The following TBC1D32 variants were observed in gnomAD, a reference collection of about 807,000 sequenced individuals.
TBC1D32 encodes the protein protein broad-minded.
A neutral mutation model predicts 170.3 loss-of-function variants in TBC1D32; 151 were observed. The observed-to-expected ratio is 0.89, with a 90% confidence interval of 0.78 to 1.01. The LOEUF is 1.01. Among genes scored for constraint, TBC1D32 ranks in the 50% least tolerant of loss-of-function variants. TBC1D32 has a pLI of 0.00. For missense variants in TBC1D32, 1,464 were observed against 1,457.1 expected (o/e 1.00, Z -0.08); for synonymous variants, 498 against 488.0 (o/e 1.02, Z -0.27).
intron 19 of TBC1D32, 77 bp from the exon 20 acceptor site, chr6:121,239,265 T>G: frequency 1.3e-6 from 1 of 791,728 alleles, no homozygotes; most frequent in East Asian, 2.5e-5. Flanking sequence ...TGATGATCCC[T>G]CTGATGAATC....
At chr6:121,223,914 T>C (rs1016378480) in intron 20 of TBC1D32, among the ~76,000 whole-genome samples, 6 of 152,164 alleles carry the variant, frequency 3.9e-5, no homozygotes, top group Non-Finnish European at 7.3e-5. Flanking sequence ...AGCTCTTCAC[T>C]CTCATTGCAT....
chr6:121,248,543 TA>T lies in TBC1D32; in HGVS notation c.2019-6205del, dbSNP rs1797913602. Among the ~76,000 whole-genome samples, 6 of 151,824 alleles carry T rather than the reference TA, an allele frequency of 4.0e-5. No individual in the cohort carries two copies. The South Asian group carries it at 1.2e-3, about 32-fold the overall frequency. ...GGAAAAAGCTAGTTTTCTGAAAAGA[TA>T]AAACTGATAACCATTAGCAAGATTA... On this transcript the variant is annotated intron_variant, in intron 17 of 31. Transcript: ENST00000398212.
intron 24 of TBC1D32, among the ~76,000 whole-genome samples, chr6:121,153,177 G>A (rs1784423398): frequency 6.6e-6 from 1 of 152,098 alleles, no homozygotes; most frequent in Non-Finnish European, 1.5e-5. Flanking sequence ...ACCTTGGGAT[G>A]GAGTTTTTGC....
intron 2 of TBC1D32, among the ~76,000 whole-genome samples, chr6:121,320,282 A>C (rs1809537035): frequency 6.6e-6 from 1 of 151,832 alleles, no homozygotes; most frequent in Non-Finnish European, 1.5e-5. Flanking sequence ...ATGGTTCATA[A>C]AGTGGAAAAT....
chr6:121,228,354 C>G (rs553421840), intron 20 of TBC1D32, among the ~76,000 whole-genome samples: 3 of 152,124 alleles, frequency 2.0e-5, no homozygotes, highest in Non-Finnish European at 2.9e-5. Flanking sequence ...TGGGTAGAAA[C>G]TTGAGTCAGT....
intron 22 of TBC1D32, among the ~76,000 whole-genome samples, chr6:121,196,381 G>A (rs545453498): frequency 5.9e-5 from 9 of 152,164 alleles, no homozygotes; most frequent in South Asian, 2.1e-4. Context: ...ATATGGCACC[G>A]TTCCTTGGAG....
intron 22 of TBC1D32, among the ~76,000 whole-genome samples, chr6:121,192,082 ATC>A (rs1790148817): frequency 7.5e-6 from 1 of 133,618 alleles, no homozygotes; most frequent in Admixed American, 9.8e-5. Context: ...ATATATATAT[ATC>A]CTATTAGTTC....
chr6:121,223,998 G>A (rs528230082), intron 20 of TBC1D32, among the ~76,000 whole-genome samples: 1 of 152,266 alleles, frequency 6.6e-6, no homozygotes, highest in East Asian at 1.9e-4. Context: ...AGCATGCTGT[G>A]GTTGCCCATC....
chr6:121,168,777 G>T (rs764867795), intron 22 of TBC1D32, among the ~76,000 whole-genome samples: 18 of 145,492 alleles, frequency 1.2e-4, no homozygotes, highest in Non-Finnish European at 2.5e-4. Flanking sequence ...ACCACCAACA[G>T]GCAAGCCAAG....
At chr6:121,222,846 C>G (rs1029755092) in intron 21 of TBC1D32, among the ~76,000 whole-genome samples, 6 of 152,106 alleles carry the variant, frequency 3.9e-5, no homozygotes, top group Non-Finnish European at 5.9e-5. Context: ...GTAGTTCATT[C>G]AAATATAAGC....
rs1399401545 is a variant in TBC1D32, at chr6:121,115,514, CAG to C, written c.2984-275_2984-274del. 9 of 249,406 alleles carry C rather than the reference CAG, an allele frequency of 3.6e-5. 1 individual carries two copies. The Admixed American group carries it at 4.9e-4, about 14-fold the overall frequency. 15.4% of individuals were successfully genotyped at this position (249,406 alleles called of 1,614,324 possible). On this transcript the variant is annotated intron_variant, in intron 26 of 31. Transcript: ENST00000398212. Reference sequence around the variant, plus strand: ...AAAACAATCTATTTTACTTGGCTCTCAGAATAAAAAGAGCCATTGACCCAAAA... The same window carrying C: ...AAAACAATCTATTTTACTTGGCTCTCAATAAAAAGAGCCATTGACCCAAAA...
intron 20 of TBC1D32, among the ~76,000 whole-genome samples, chr6:121,225,343 T>G (rs1399599807): frequency 6.6e-5 from 10 of 152,096 alleles, no homozygotes; most frequent in Admixed American, 5.2e-4. Context: ...GATGTTTTAA[T>G]GTCCTTAATA....
chr6:121,110,555 G>A (rs1380201098), intron 29 of TBC1D32, among the ~76,000 whole-genome samples: 1 of 152,014 alleles, frequency 6.6e-6, no homozygotes, highest in Non-Finnish European at 1.5e-5. Flanking sequence ...AAAGAAGGTA[G>A]ACAAGTTTGT....
intron 22 of TBC1D32, among the ~76,000 whole-genome samples, chr6:121,189,639 A>C (rs774348748): frequency 5.3e-5 from 8 of 152,088 alleles, no homozygotes; most frequent in Non-Finnish European, 1.0e-4. Context: ...TTATCATCAT[A>C]ACACTATACA....
At chr6:121,257,659 A>G (rs757874764) in intron 15 of TBC1D32, among the ~76,000 whole-genome samples, 1 of 152,202 alleles carries the variant, frequency 6.6e-6, no homozygotes, top group Admixed American at 6.5e-5. Flanking sequence ...TAGTGACTTC[A>G]GCAGGTAACC....
chr6:121,233,251 A>G (rs1201825396), intron 20 of TBC1D32, among the ~76,000 whole-genome samples: 3 of 152,060 alleles, frequency 2.0e-5, no homozygotes, highest in Non-Finnish European at 2.9e-5. Context: ...GTTTAACTTC[A>G]CTGCTTCTTT....
At chr6:121,229,442 C>G (rs1160750555) in intron 20 of TBC1D32, among the ~76,000 whole-genome samples, 2 of 152,078 alleles carry the variant, frequency 1.3e-5, no homozygotes, top group African/African-American at 4.8e-5. Flanking sequence ...AGGAAGTGCA[C>G]AGTCAGGGAG....
intron 25 of TBC1D32, among the ~76,000 whole-genome samples, chr6:121,131,130 A>C (rs1781396936): frequency 6.6e-6 from 1 of 152,022 alleles, no homozygotes; most frequent in African/African-American, 2.4e-5. Context: ...TGTTAATTTA[A>C]AAAATGATGA....
chr6:121,153,017 T>G (rs1784401283), intron 24 of TBC1D32, among the ~76,000 whole-genome samples: 1 of 152,178 alleles, frequency 6.6e-6, no homozygotes. Flanking sequence ...TCAAACTCAT[T>G]CTCTGTCCAA....
Sources: gnomAD v4.1 joint callset for allele counts (sites outside exome capture counted in the v4.1 genomes callset) on GRCh38, gnomAD v4.1.1 for gene constraint, MANE v1.5 for transcripts, NCBI Gene and HGNC (gene_info 2026-07-23, HGNC 2026-07-21) for gene names.